DUSP11: variants seen among roughly 807,000 people sequenced by gnomAD.
The protein encoded by DUSP11 is RNA/RNP complex-1-interacting phosphatase.
A neutral mutation model predicts 41.4 loss-of-function variants in DUSP11; 27 were observed. The ratio of observed to expected loss-of-function variants is 0.65; its 90% CI spans 0.48 to 0.90. The LOEUF is 0.90. DUSP11 is among the 40% of genes least tolerant of loss of function. The pLI, the probability that DUSP11 is intolerant of heterozygous loss-of-function variation, is 0.00. For missense variants in DUSP11, 465 were observed against 461.1 expected (o/e 1.01, Z -0.08); for synonymous variants, 188 against 159.3 (o/e 1.18, Z -1.35).
intron 4 of DUSP11, among the ~76,000 whole-genome samples, chr2:73,772,704 A>G (rs1415861920): frequency 6.6e-6 from 1 of 152,202 alleles, no homozygotes; most frequent in East Asian, 1.9e-4. Flanking sequence ...CAAACCTCTC[A>G]AGTTTTAAAG....
At chr2:73,772,321 C>CT (rs1485786580) in intron 4 of DUSP11, among the ~76,000 whole-genome samples, 1 of 152,142 alleles carries the variant, frequency 6.6e-6, no homozygotes, top group Non-Finnish European at 1.5e-5. Flanking sequence ...GTAGTGTCCT[C>CT]TTTTTATCAG....
In DUSP11 at chr2:73,778,203, G is replaced by T. The variant is rs1394125415; in HGVS notation, c.318+98C>A. On this transcript the variant is annotated intron_variant, in intron 2 of 8. Coordinates refer to ENST00000272444, the Ensembl canonical transcript of DUSP11. ...GTAAAGGGGTCATTACAAAGTATTT[G>T]CTATAAAAAGAGAAAATGGAATGTG... The T allele has an allele frequency of 1.5e-5, 11 of 754,660 alleles. No individual in the cohort carries two copies. In the East Asian group the frequency reaches 3.5e-4, roughly 24 times the overall value. 46.7% of individuals were successfully genotyped at this position (754,660 alleles called of 1,614,324 possible). A position where few individuals can be genotyped will look rare whatever the true frequency, so the allele number is the denominator to read the frequency against.
chr2:73,769,367 C>T, intron 4 of DUSP11, 42 bp from the exon 5 acceptor site: 1 of 1,385,914 alleles, frequency 7.2e-7, no homozygotes, highest in Non-Finnish European at 1.0e-6. Context: ...GAAGTAGATA[C>T]ACAAGTATAT....
At chr2:73,772,063 G>A (rs953492217) in intron 4 of DUSP11, among the ~76,000 whole-genome samples, 8 of 151,484 alleles carry the variant, frequency 5.3e-5, no homozygotes, top group South Asian at 4.2e-4. Context: ...CTCGTGATCC[G>A]CCCACCTCGG....
chr2:73,777,594 C>T (rs962003461), intron 2 of DUSP11, among the ~76,000 whole-genome samples: 5 of 152,198 alleles, frequency 3.3e-5, no homozygotes, highest in Admixed American at 6.5e-5. Flanking sequence ...CTTGATGATC[C>T]GGGGGATATT....
At chr2:73,766,374 A>T in intron 8 of DUSP11, 44 bp downstream of exon 8, 1 of 1,512,900 alleles carries the variant, frequency 6.6e-7, no homozygotes, top group Non-Finnish European at 9.0e-7. Context: ...CTATAGTATT[A>T]ATTTCTATCT....
At chr2:73,779,547 G>T (rs1013190694) in intron 1 of DUSP11, 3 of 332,770 alleles carry the variant, frequency 9.0e-6, no homozygotes, top group Non-Finnish European at 1.7e-5. Flanking sequence ...CCGTGCCAAC[G>T]TAACAAGGAA....
chr2:73,770,506 C>T (rs917331589), intron 4 of DUSP11, among the ~76,000 whole-genome samples: 1 of 148,112 alleles, frequency 6.8e-6, no homozygotes, highest in East Asian at 2.0e-4. Context: ...CAGAGTGAGA[C>T]TCCATCTCAA....
At chr2:73,775,192 T>C (rs1672654964) in intron 2 of DUSP11, 148 bp from the exon 3 acceptor site, 1 of 656,412 alleles carries the variant, frequency 1.5e-6, no homozygotes. Context: ...ATTACAACAA[T>C]CCTTTCTTCC....
intron 2 of DUSP11, among the ~76,000 whole-genome samples, chr2:73,775,414 C>T (rs868785957): frequency 2.0e-4 from 29 of 147,094 alleles, no homozygotes; most frequent in Middle Eastern, 6.9e-3. Context: ...CTCTGTCATC[C>T]GTCATCCAGG....
chr2:73,767,457 C>T (rs1672487605), intron 5 of DUSP11: 2 of 338,384 alleles, frequency 5.9e-6, no homozygotes, highest in Non-Finnish European at 1.0e-5. Context: ...ATTTAATAAA[C>T]AAAAGGAAAG....
chr2:73,773,762 T>A (rs192378439), intron 4 of DUSP11, 38 bp downstream of exon 4: 2 of 1,557,836 alleles, frequency 1.3e-6, no homozygotes, highest in Non-Finnish European at 8.7e-7. Context: ...ACCCCATTCA[T>A]AATGCACACC....
At chr2:73,768,124 G>A (rs114369859) in intron 5 of DUSP11, 1,786 of 152,170 alleles carry the variant, frequency 0.012, 26 homozygotes, top group African/African-American at 0.031. Flanking sequence ...TGATCCTTAC[G>A]TTCAGAATTC....
At chr2:73,773,429 C>T in intron 4 of DUSP11, 1 of 348,304 alleles carries the variant, frequency 2.9e-6, no homozygotes, top group African/African-American at 2.2e-5. Flanking sequence ...TTAATCTTTG[C>T]CCTTTCTTGT....
chr2:73,763,025 T>C (rs1672392518), intron 8 of DUSP11, among the ~76,000 whole-genome samples, 166 bp from the exon 9 acceptor site: 1 of 152,172 alleles, frequency 6.6e-6, no homozygotes, highest in African/African-American at 2.4e-5. Flanking sequence ...AAATACTTAA[T>C]TGTTATTTCC....
intron 2 of DUSP11, among the ~76,000 whole-genome samples, chr2:73,775,769 G>C (rs1050927602): frequency 1.3e-5 from 2 of 148,738 alleles, no homozygotes; most frequent in African/African-American, 2.5e-5. Flanking sequence ...CAGGAGAATG[G>C]CGTGAACCCG....
At chr2:73,770,939 CTT>C (rs1340696420) in intron 4 of DUSP11, among the ~76,000 whole-genome samples, 2 of 152,178 alleles carry the variant, frequency 1.3e-5, no homozygotes, top group Non-Finnish European at 2.9e-5. Context: ...GCCTCAGGGA[CTT>C]TGCACCTGCT....
In DUSP11 at chr2:73,769,245, C is replaced by T. The variant is rs763441561; in HGVS notation, c.635+20G>A. 34 of 1,606,200 alleles carry T rather than the reference C, an allele frequency of 2.1e-5. No homozygotes were observed. The highest frequency in any genetic ancestry group is 2.6e-5 in the Non-Finnish European group (31 of 1,173,422). The stretch of plus-strand genomic sequence containing the variant: ...ACAAAAACAATTTAAAATGGTCTGC[C>T]TCTGGGGTTGGCAACTTACCTGCAA... On this transcript the variant is annotated intron_variant, in intron 5 of 8. Transcript: ENST00000272444.
intron 2 of DUSP11, among the ~76,000 whole-genome samples, chr2:73,775,861 AT>A (rs755310634): frequency 0.057 from 4,575 of 80,638 alleles, 458 homozygotes; most frequent in African/African-American, 0.11. Flanking sequence ...CAAAAAAAAA[AT>A]TTAAAAAAAA....
Sources: gnomAD v4.1 joint callset for allele counts (sites outside exome capture counted in the v4.1 genomes callset) on GRCh38, gnomAD v4.1.1 for gene constraint, MANE v1.5 for transcripts, NCBI Gene and HGNC (gene_info 2026-07-23, HGNC 2026-07-21) for gene names.